The following SHPRH variants were observed in gnomAD, a reference collection of about 807,000 sequenced individuals.
SHPRH encodes the protein E3 ubiquitin-protein ligase SHPRH.
SHPRH carries 106 observed loss-of-function variants against 202.5 expected under a neutral mutation model. That is an observed-to-expected ratio of 0.52 (90% CI 0.45 to 0.62). The LOEUF (loss-of-function observed/expected upper bound fraction) is 0.62. Among genes scored for constraint, SHPRH ranks in the 20% least tolerant of loss-of-function variants. SHPRH has a pLI of 0.00. For synonymous variants in SHPRH, 729 were observed against 686.0 expected (o/e 1.06, Z -0.98); for missense variants, 1,710 against 2,020.0 (o/e 0.85, Z 2.94).
rs202001786 is a variant in SHPRH at position 145,954,823 on chromosome 6, G to A, written c.500C>T (p.Pro167Leu). 6 of 1,613,710 alleles carry A rather than the reference G, an allele frequency of 3.7e-6. No homozygotes were observed. The highest frequency in any genetic ancestry group is 2.2e-5 in the East Asian group (1 of 44,838). ...GEDVEKQKKE[P>L]MSICDKGILV... ...AATACCCTTGTCACAAATACTCATCGGTTCTTTTTTTTGTTTCTCTACATC... is the reference window on the plus strand; with the variant it reads ...AATACCCTTGTCACAAATACTCATCAGTTCTTTTTTTTGTTTCTCTACATC... Residue 167 changes from proline to leucine, a missense_variant, in exon 2 of 30, where the codon CCG (proline) becomes CTG (leucine). Transcript: ENST00000275233.
exon 3 of SHPRH, chr6:145,864,365 A>T (rs1468332922): frequency 2.4e-6 from 1 of 421,118 alleles, no homozygotes; most frequent in South Asian, 1.9e-5. Flanking sequence ...AAAAATTTTT[A>T]AAGTAAATAA....
intron 25 of SHPRH, chr6:145,907,612 T>C (rs1783082968): frequency 6.6e-6 from 1 of 152,168 alleles, no homozygotes; most frequent in African/African-American, 2.4e-5. Flanking sequence ...GCCACTCAGA[T>C]CCATTTGAGT....
At chr6:145,897,342 A>G (rs1430680491) in intron 25 of SHPRH, among the ~76,000 whole-genome samples, 2 of 152,110 alleles carry the variant, frequency 1.3e-5, no homozygotes, top group Non-Finnish European at 2.9e-5. Context: ...AATCACAAAG[A>G]AACAGAAAAT....
rs1784672047 is a variant in SHPRH at position 145,924,215 on chromosome 6, A to G, written c.3403-430T>C. Among the ~76,000 whole-genome samples the G allele has an allele frequency of 2.0e-5, 3 of 151,960 alleles. No individual in the cohort carries two copies. The Admixed American group carries it at 2.0e-4, about 10-fold the overall frequency. ...ATAATCCACAATAACTCACAAAATT[A>G]TATCCCAGAATACTAAATAATGAAT... On this transcript the variant is annotated intron_variant, in intron 17 of 29. Coordinates refer to ENST00000275233, the MANE Select transcript of SHPRH (RefSeq NM_001042683.3).
downstream of SHPRH, among the ~76,000 whole-genome samples, chr6:145,882,091 C>CA (rs767137504): frequency 5.0e-3 from 536 of 106,666 alleles, no homozygotes; most frequent in African/African-American, 0.011. Flanking sequence ...GACTGTGTCT[C>CA]AAAAAAAAAA....
intron 14 of SHPRH, among the ~76,000 whole-genome samples, chr6:145,929,805 C>G (rs1785244013): frequency 6.6e-6 from 1 of 151,950 alleles, no homozygotes; most frequent in Admixed American, 6.6e-5. Context: ...ATAATAGGCC[C>G]TTTTCTATTA....
intron 15 of SHPRH, 58 bp downstream of exon 15, chr6:145,927,131 A>AAT: frequency 6.7e-7 from 1 of 1,489,734 alleles, no homozygotes; most frequent in Non-Finnish European, 9.3e-7. Context: ...CATTCAGAAA[A>AAT]ATTATTTTGT....
chr6:145,938,873 C>T lies in SHPRH; in HGVS notation c.2569+1850G>A, dbSNP rs568267352. Among the ~76,000 whole-genome samples, 6 of 152,114 alleles carry T rather than the reference C, an allele frequency of 3.9e-5. No individual in the cohort carries two copies. The South Asian group carries it at 8.3e-4, about 21-fold the overall frequency. On this transcript the variant is annotated intron_variant, in intron 11 of 29. Coordinates refer to ENST00000275233, the MANE Select transcript of SHPRH (RefSeq NM_001042683.3). ...GTGGCGGGTGGAAGGAGTTAGGAAG[C>T]ATTCTTCCATATTTGACATCCCAAG...
chr6:145,898,835 A>G, intron 25 of SHPRH, among the ~76,000 whole-genome samples: 1 of 152,086 alleles, frequency 6.6e-6, no homozygotes. Flanking sequence ...TTTTTGAGAC[A>G]GGGTCTTGTG....
chr6:145,950,663 A>T (rs1473575294), intron 3 of SHPRH, among the ~76,000 whole-genome samples, 181 bp from the exon 4 acceptor site: 1 of 152,048 alleles, frequency 6.6e-6, no homozygotes, highest in African/African-American at 2.4e-5. Context: ...TCCATTCTTC[A>T]AGAAAGTTTA....
downstream of SHPRH, among the ~76,000 whole-genome samples, chr6:145,879,836 C>T (rs950737562): frequency 2.7e-5 from 4 of 147,258 alleles, no homozygotes; most frequent in African/African-American, 1.0e-4. Flanking sequence ...TGCTGGAACC[C>T]GGGAGTAGGA....
intron 23 of SHPRH, among the ~76,000 whole-genome samples, chr6:145,915,951 T>G (rs1319651678): frequency 6.6e-6 from 1 of 152,122 alleles, no homozygotes; most frequent in East Asian, 1.9e-4. Flanking sequence ...TTCTTGAACT[T>G]CAATTACAAG....
intron 3 of SHPRH, 35 bp downstream of exon 3, chr6:145,952,314 G>T: frequency 6.4e-7 from 1 of 1,555,086 alleles, no homozygotes; most frequent in South Asian, 1.2e-5. Flanking sequence ...CAACTCCTAA[G>T]TAATAGCAAT....
chr6:145,949,354 AG>A (rs1305516222), intron 4 of SHPRH, among the ~76,000 whole-genome samples: 1 of 152,048 alleles, frequency 6.6e-6, no homozygotes, highest in East Asian at 1.9e-4. Context: ...ATGTGTGTGG[AG>A]GGGGGCAGGT....
intron 23 of SHPRH, 27 bp from the exon 24 acceptor site, chr6:145,913,576 AT>A: frequency 3.8e-6 from 6 of 1,578,298 alleles, no homozygotes; most frequent in Non-Finnish European, 5.2e-6. Flanking sequence ...TAAAAAATAT[AT>A]TAGTTACGTT....
chr6:145,872,216 G>A (rs1174457860), intron 2 of SHPRH, among the ~76,000 whole-genome samples: 1 of 152,100 alleles, frequency 6.6e-6, no homozygotes, highest in Non-Finnish European at 1.5e-5. Flanking sequence ...AAACTAAAGA[G>A]CTTCTGCACA....
intron 2 of SHPRH, among the ~76,000 whole-genome samples, chr6:145,866,894 A>G (rs1470654151): frequency 6.6e-6 from 1 of 151,718 alleles, no homozygotes; most frequent in African/African-American, 2.4e-5. Context: ...GCCTGTGCTG[A>G]TTGATGGGGG....
At chr6:145,958,141 G>A (rs1477066494) in intron 1 of SHPRH, among the ~76,000 whole-genome samples, 1 of 152,114 alleles carries the variant, frequency 6.6e-6, no homozygotes, top group Non-Finnish European at 1.5e-5. Context: ...GTAGATGAGT[G>A]GTTACCAGGG....
downstream of SHPRH, among the ~76,000 whole-genome samples, chr6:145,862,461 C>A (rs371798552): frequency 3.2e-4 from 48 of 150,486 alleles, no homozygotes; most frequent in African/African-American, 9.0e-4. Flanking sequence ...ACAACAACAA[C>A]AAAAAACAAA....
Sources: allele counts gnomAD v4.1 joint callset (sites outside exome capture counted in the v4.1 genomes callset), GRCh38; gene constraint gnomAD v4.1.1; transcripts MANE v1.5; gene names NCBI Gene and HGNC (gene_info 2026-07-23, HGNC 2026-07-21).